The following ABCA2 variants were observed in gnomAD, a reference collection of about 807,000 sequenced individuals.
The protein encoded by ABCA2 is ATP-binding cassette sub-family A member 2.
In ABCA2, 84 loss-of-function variants were observed where a neutral mutation model predicts 262.8. That is an observed-to-expected ratio of 0.32 (90% CI 0.27 to 0.38). The LOEUF is 0.38. ABCA2 is among the 10% of genes least tolerant of loss of function. The pLI, the probability that ABCA2 is intolerant of heterozygous loss-of-function variation, is 1.00. For missense variants in ABCA2, 2,662 were observed against 3,405.9 expected, an observed-to-expected ratio of 0.78 and a Z score of 5.44; for synonymous variants, 1,696 against 1,502.9, an observed-to-expected ratio of 1.13 and a Z score of -2.97.
At chr9:137,026,340 C>T (rs1307991487) in intron 1 of ABCA2, among the ~76,000 whole-genome samples, 1 of 152,228 alleles carries the variant, frequency 6.6e-6, no homozygotes, top group African/African-American at 2.4e-5. Flanking sequence ...GCATGGCACA[C>T]AGGGCAAACC....
chr9:137,010,666 C>T lies in ABCA2; in HGVS notation c.6128G>A (p.Arg2043Gln), dbSNP rs753376326. 2.2e-5 allele frequency: 35 copies of T among 1,612,432 alleles called. No homozygotes were observed. The highest frequency in any genetic ancestry group is 1.7e-4 in the African/African-American group (13 of 74,930). Residue 2043 changes from arginine to glutamine, a missense_variant, in exon 40 of 49, where the codon CGG becomes CAG. Around this residue, in one of 12 missense-constraint regions of ABCA2, gnomAD observed 602 missense variants for 897.4 expected, o/e 0.67. Coordinates refer to ENST00000341511, the MANE Select transcript of ABCA2 (RefSeq NM_001606.5). ...DVASERQRVL[R>Q]GDADNDMVKI... is the part of the protein sequence containing the mutation. ...GACCATGTCATTGTCGGCGTCTCCCCGGAGCACTCGCTGCCGCTCACTGGC... is the reference window on the plus strand; with the variant it reads ...GACCATGTCATTGTCGGCGTCTCCCTGGAGCACTCGCTGCCGCTCACTGGC...
chr9:137,010,762 C>T (rs1831008616), intron 39 of ABCA2, 25 bp from the exon 40 acceptor site: 6 of 1,599,028 alleles, frequency 3.8e-6, no homozygotes, highest in South Asian at 1.1e-5. Context: ...TGGACAGTGT[C>T]CAGCAGCTCG....
chr9:137,020,059 C>T, intron 10 of ABCA2: 2 of 481,084 alleles, frequency 4.2e-6, no homozygotes, highest in Non-Finnish European at 7.5e-6. Flanking sequence ...TCTGGACACA[C>T]CCCTCCTCCA....
In ABCA2 at chr9:137,021,800, C is replaced by G; in HGVS notation, c.678+91G>C. ...CCCTCTCCCAGGAGGAGCTCCAAGT[C>G]ACCAAAGGGGCCCTTTCCTCACCCA... On this transcript the variant is annotated intron_variant, in intron 7 of 48. Transcript: ENST00000341511. The surrounding 1 kb of genome is among the most constrained non-coding windows in gnomAD (Gnocchi z 6.0). The G allele has an allele frequency of 7.4e-7, 1 of 1,343,812 alleles. No homozygotes were observed. 83.2% of individuals were successfully genotyped at this position (1,343,812 alleles called of 1,614,324 possible). A position where few individuals can be genotyped will look rare whatever the true frequency, so the allele number is the denominator to read the frequency against.
chr9:137,015,603 C>T lies in ABCA2; in HGVS notation c.3515-7G>A, dbSNP rs1831229778. 2 of 1,612,226 alleles carry T rather than the reference C, an allele frequency of 1.2e-6. No homozygotes were observed. Among genetic ancestry groups the T allele is most frequent in the African/African-American group, 2.7e-5 (2 of 75,024 alleles). On this transcript the variant is annotated splice_region_variant and splice_polypyrimidine_tract_variant and intron_variant, in intron 23 of 48. Coordinates refer to ENST00000341511, the MANE Select transcript of ABCA2 (RefSeq NM_001606.5). ...GACAGAAGGATGGTGCGGCCTAGGA[C>T]AAGGCCAGACCCAGGGTCAGGGGGC...
rs762879252 is a variant in ABCA2, at chr9:137,008,515, C to A, written c.7176G>T (p.Arg2392=). Residue 2392 remains arginine (R), a synonymous_variant, in exon 48 of 49, where the codon CGG becomes CGT. Transcript: ENST00000341511. Reference sequence around the variant, plus strand: ...GGAGCTCCGTGGGGGCAGACCGGGGCCGGAGCAGGCTGAGCAAGCAGCCGA... The same window carrying A: ...GGAGCTCCGTGGGGGCAGACCGGGGACGGAGCAGGCTGAGCAAGCAGCCGA... ...SPLGCLLSLL[R]PRSAPTELRA... The A allele has an allele frequency of 6.3e-7, 1 of 1,589,824 alleles. No individual in the cohort carries two copies. The highest frequency in any genetic ancestry group is 1.8e-5 in the Admixed American group (1 of 56,790).
rs367773706 is a variant in ABCA2, at chr9:137,008,473, G to A, written c.7218C>T (p.Asp2406=). 41 of 1,566,748 alleles carry A rather than the reference G, an allele frequency of 2.6e-5. No individual in the cohort carries two copies. The highest frequency in any genetic ancestry group is 5.4e-5 in the African/African-American group (4 of 73,832). Residue 2406 remains aspartate, a synonymous_variant, in exon 48 of 49, where the codon GAC becomes GAT. Coordinates refer to ENST00000341511, the MANE Select transcript of ABCA2 (RefSeq NM_001606.5). ...APTELRALVA[D]EPEDLDTEDE... The stretch of plus-strand genomic sequence containing the variant: ...CCTCCGTGTCCAGGTCCTCGGGCTC[G>A]TCTGCCACAAGTGCCCGGAGCTCCG...
At chr9:137,024,121 T>C (rs373941339) in intron 2 of ABCA2, 22 bp downstream of exon 2, 5 of 1,595,120 alleles carry the variant, frequency 3.1e-6, no homozygotes, top group African/African-American at 2.7e-5. Context: ...CGGCTGTGCC[T>C]GGGGCCTCCT....
chr9:137,008,675 G>T, intron 47 of ABCA2, 53 bp from the exon 48 acceptor site: 2 of 1,336,656 alleles, frequency 1.5e-6, no homozygotes, highest in Non-Finnish European at 2.1e-6. Context: ...GTGAGGAGGG[G>T]CAGGGCGGGT....
rs367976118 is a variant in ABCA2, at chr9:137,008,539, G to C, written c.7152C>G (p.Leu2384=). 1.9e-6 allele frequency: 3 copies of C among 1,603,236 alleles called. No individual in the cohort carries two copies. Among genetic ancestry groups the C allele is most frequent in the Non-Finnish European group, 1.7e-6 (2 of 1,175,740 alleles). Residue 2384 remains leucine, a synonymous_variant, in exon 48 of 49, where the codon CTC becomes CTG. Transcript: ENST00000341511. ...GCCGGAGCAGGCTGAGCAAGCAGCCGAGAGGGGACTGCAGTGCGGATGGCG... is the reference window on the plus strand; with the variant it reads ...GCCGGAGCAGGCTGAGCAAGCAGCCCAGAGGGGACTGCAGTGCGGATGGCG... ...TEPPSALQSP[L]GCLLSLLRPR...
At position 137,020,996 on chromosome 9, in the gene ABCA2, C is replaced by G; in HGVS notation, c.963G>C (p.Gln321His). ...CATCCAGCAGGTCCCCCAGAAGCGCCTGCAGCCTCCGTGGGGGTGGCGCCT... is the reference window on the plus strand; with the variant it reads ...CATCCAGCAGGTCCCCCAGAAGCGCGTGCAGCCTCCGTGGGGGTGGCGCCT... ...SPQAPPPRRL[Q>H]ALLGDLLDAQ... The change falls in exon 9 of 49, where the codon CAG (glutamine) becomes CAC (histidine). Residue 321 changes from glutamine to histidine, a missense_variant. By Grantham distance (24) the Gln-to-His change is conservative. This residue lies in a region of ABCA2 where 403 missense variants were observed against 375.9 expected (regional missense o/e 1.07). Coordinates refer to ENST00000341511, the MANE Select transcript of ABCA2 (RefSeq NM_001606.5). 1 of 1,511,416 alleles carries G rather than the reference C, an allele frequency of 6.6e-7. No homozygotes were observed. Among genetic ancestry groups the G allele is most frequent in the African/African-American group, 1.4e-5 (1 of 71,860 alleles). The allele number at this position is 1,511,416 out of a possible 1,614,324, so 93.6% of individuals were successfully genotyped here.
rs1831308850 is a variant in ABCA2, at chr9:137,017,623, G to A, written c.2281C>T (p.Leu761=). ...GTGAGTGCTGTCACGGAGATGGACA[G>A]CTGCACAAAGCCGGTGATGAACCAG... ...VAWFITGFVQ[L]SISVTALTAI... is the part of the protein sequence containing the mutation. Residue 761 remains leucine (L), a synonymous_variant, in exon 17 of 49, where the codon CTG becomes TTG. Coordinates refer to ENST00000341511, the MANE Select transcript of ABCA2 (RefSeq NM_001606.5). 1 of 1,612,644 alleles carries A rather than the reference G, an allele frequency of 6.2e-7. No individual in the cohort carries two copies. Among genetic ancestry groups the A allele is most frequent in the Non-Finnish European group, 8.5e-7 (1 of 1,179,920 alleles).
chr9:137,010,785 C>T (rs1395658186), intron 39 of ABCA2, 48 bp from the exon 40 acceptor site: 1 of 1,560,014 alleles, frequency 6.4e-7, no homozygotes, highest in East Asian at 2.3e-5. Flanking sequence ...ACCCCCACTG[C>T]CCCTCCCTGC....
At position 137,008,978 on chromosome 9, in the gene ABCA2, G is replaced by A; in HGVS notation, c.6903C>T (p.Asn2301=). The change falls in exon 46 of 49, where the codon AAC becomes AAT. Residue 2301 remains asparagine, a synonymous_variant. Transcript: ENST00000341511. ...QSVKDVVRFF[N]RNFPEAMLKE... ...TGAGCATGGCTTCCGGGAAGTTGCG[G>A]TTGAAGAACCGCACCACGTCCTTCA... 6.2e-7 allele frequency: 1 copy of A among 1,607,770 alleles called. No individual in the cohort carries two copies. The highest frequency in any genetic ancestry group is 8.5e-7 in the Non-Finnish European group (1 of 1,179,678).
At position 137,015,946 on chromosome 9, in the gene ABCA2, C is replaced by CAGGGGGGGGGGGGGGGGGGGGGGGGG; in HGVS notation, c.3317+15_3317+16insCCCCCCCCCCCCCCCCCCCCCCCCCT. On this transcript the variant is annotated intron_variant, in intron 22 of 48. Coordinates refer to ENST00000341511, the MANE Select transcript of ABCA2 (RefSeq NM_001606.5). ...GCCTCCGCCCACCTGCCCCGCCCCC[C>CAGGGGGGGGGGGGGGGGGGGGGGGGG]GCCCAGCCCACCCACTTGTCCATCT... 2 of 484,328 alleles carry CAGGGGGGGGGGGGGGGGGGGGGGGGG rather than the reference C, an allele frequency of 4.1e-6. No homozygotes were observed. Among genetic ancestry groups the CAGGGGGGGGGGGGGGGGGGGGGGGGG allele is most frequent in the Non-Finnish European group, 7.9e-6 (2 of 253,150 alleles). 30.0% of individuals were successfully genotyped at this position (484,328 alleles called of 1,614,324 possible). A position where few individuals can be genotyped will look rare whatever the true frequency, so the allele number is the denominator to read the frequency against.
intron 3 of ABCA2, chr9:137,023,400 G>A: frequency 4.2e-6 from 3 of 710,744 alleles, no homozygotes; most frequent in Middle Eastern, 2.4e-4. Context: ...GAGCCCAGGG[G>A]AGGACAAAGG....
intron 45 of ABCA2, 38 bp downstream of exon 45, chr9:137,009,332 G>GGCCCCCCCCCCCC: frequency 1.0e-6 from 1 of 980,408 alleles, no homozygotes; most frequent in Non-Finnish European, 1.5e-6. Flanking sequence ...CCCCCCCCGG[G>GGCCCCCCCCCCCC]CCCGCCCCAG....
At chr9:137,022,122 TGG>T in intron 6 of ABCA2, 121 bp from the exon 7 acceptor site, 1 of 120,902 alleles carries the variant, frequency 8.3e-6, no homozygotes, top group Middle Eastern at 4.0e-3. Flanking sequence ...GCTCAGAGAG[TGG>T]GGGCGTGGCT....
Position 137,028,027 on chromosome 9 carries a change from C to T in ABCA2, c.66+48G>A, listed in dbSNP as rs2131481953. On this transcript the variant is annotated intron_variant, in intron 1 of 48. Transcript: ENST00000341511. This position sits in a 1 kb window ranked among gnomAD's most constrained non-coding sequence, Gnocchi z 6.9. ...CGCGCGGGGAGCGCGCCTCTGGCCG[C>T]GGTGCGCGCGGCCTCGGGCTGAGGG... 1 of 950,560 alleles carries T rather than the reference C, an allele frequency of 1.1e-6. No individual in the cohort carries two copies. The highest frequency in any genetic ancestry group is 1.2e-6 in the Non-Finnish European group (1 of 800,058). 58.9% of individuals were successfully genotyped at this position (950,560 alleles called of 1,614,324 possible).
Sources: gnomAD v4.1 joint callset for allele counts (sites outside exome capture counted in the v4.1 genomes callset) on GRCh38, gnomAD v4.1.1 for gene constraint, gnomAD v4.1.1 regional missense constraint, Gnocchi (gnomAD v3.1) non-coding constraint, MANE v1.5 for transcripts, NCBI Gene and HGNC (gene_info 2026-07-23, HGNC 2026-07-21) for gene names.